Variants in ERBB4 observed in about 807,000 individuals in gnomAD.
The protein encoded by ERBB4 is receptor tyrosine-protein kinase erbB-4.
Under a neutral mutation model 158.0 loss-of-function variants are expected in ERBB4, and 42 were observed. That is an observed-to-expected ratio of 0.27 (90% CI 0.21 to 0.34). The LOEUF (loss-of-function observed/expected upper bound fraction) is 0.34. ERBB4 is among the 10% of genes least tolerant of loss of function. The probability of loss-of-function intolerance (pLI) is 1.00; values close to 1 mark genes in which losing one functional copy is unlikely to be tolerated. For synonymous variants in ERBB4, 583 were observed against 558.7 expected (o/e 1.04, Z -0.61); for missense variants, 1,333 against 1,624.1 (o/e 0.82, Z 3.08).
chr2:212,442,858 A>G (rs1253063579), intron 1 of ERBB4, among the ~76,000 whole-genome samples: 1 of 152,190 alleles, frequency 6.6e-6, no homozygotes, highest in African/African-American at 2.4e-5. Context: ...GATTAGCGCC[A>G]CCATCAAGGA....
chr2:211,667,393 T>C (rs1053472375), intron 14 of ERBB4, among the ~76,000 whole-genome samples: 6 of 150,388 alleles, frequency 4.0e-5, no homozygotes, highest in Non-Finnish European at 8.9e-5. Context: ...CTGGTGGGGC[T>C]CAATCAAGCC....
At chr2:212,248,728 A>G (rs2084404099) in intron 1 of ERBB4, among the ~76,000 whole-genome samples, 1 of 152,146 alleles carries the variant, frequency 6.6e-6, no homozygotes, top group African/African-American at 2.4e-5. Context: ...CTAGATTAGT[A>G]CTAAACGGTT....
At chr2:211,430,269 C>A (rs1173350481) in intron 21 of ERBB4, among the ~76,000 whole-genome samples, 2 of 151,970 alleles carry the variant, frequency 1.3e-5, no homozygotes, top group African/African-American at 4.8e-5. Flanking sequence ...GGCTGCCTGA[C>A]CTTAGGTTTC....
chr2:212,191,557 T>C (rs530875026), intron 1 of ERBB4, among the ~76,000 whole-genome samples: 4 of 141,224 alleles, frequency 2.8e-5, no homozygotes, highest in Admixed American at 1.5e-4. Flanking sequence ...GTTATGCCTG[T>C]TATATATAAC....
At chr2:211,769,333 A>G (rs1018920690) in intron 4 of ERBB4, among the ~76,000 whole-genome samples, 2 of 152,058 alleles carry the variant, frequency 1.3e-5, no homozygotes, top group Admixed American at 6.5e-5. Context: ...ACATCTTCCT[A>G]TCTTCTTCTG....
chr2:212,450,296 C>G (rs569980139), intron 1 of ERBB4, among the ~76,000 whole-genome samples: 1 of 152,092 alleles, frequency 6.6e-6, no homozygotes, highest in African/African-American at 2.4e-5. Context: ...ACTTACATGG[C>G]AATAGGGATT....
intron 1 of ERBB4, among the ~76,000 whole-genome samples, chr2:212,472,307 C>T (rs993952055): frequency 1.3e-5 from 2 of 151,724 alleles, no homozygotes; most frequent in African/African-American, 2.4e-5. Context: ...TTACCATAGA[C>T]GTTATTATCT....
At chr2:212,085,121 G>GTTC (rs1189764743) in intron 2 of ERBB4, among the ~76,000 whole-genome samples, 1 of 151,744 alleles carries the variant, frequency 6.6e-6, no homozygotes, top group Non-Finnish European at 1.5e-5. Context: ...TACTTTAACT[G>GTTC]TTCTTTAAAA....
At chr2:212,246,524 T>C (rs893110834) in intron 1 of ERBB4, among the ~76,000 whole-genome samples, 10 of 152,182 alleles carry the variant, frequency 6.6e-5, no homozygotes, top group African/African-American at 2.4e-4. Context: ...AAAATGAATA[T>C]GATGTAATCA....
intron 3 of ERBB4, among the ~76,000 whole-genome samples, chr2:211,861,066 T>C (rs1176831426): frequency 8.2e-5 from 3 of 36,390 alleles, no homozygotes; most frequent in African/African-American, 1.0e-4. Flanking sequence ...TATATAAATA[T>C]AATATATTTA....
chr2:212,400,807 C>T (rs573195159), intron 1 of ERBB4, among the ~76,000 whole-genome samples: 1 of 152,248 alleles, frequency 6.6e-6, no homozygotes. Context: ...TGTCTCTGAA[C>T]TTTAATAAAA....
At chr2:211,404,488 C>G (rs889513887) in intron 25 of ERBB4, among the ~76,000 whole-genome samples, 1 of 152,068 alleles carries the variant, frequency 6.6e-6, no homozygotes, top group Non-Finnish European at 1.5e-5. Context: ...TTGGAAGTAC[C>G]TCAATGTCCC....
intron 1 of ERBB4, among the ~76,000 whole-genome samples, chr2:212,430,880 C>T (rs1267743633): frequency 6.6e-6 from 1 of 151,950 alleles, no homozygotes; most frequent in Non-Finnish European, 1.5e-5. Context: ...GAGACAGTGA[C>T]ACAAAGACAA....
At chr2:212,216,233 A>T (rs914587396) in intron 1 of ERBB4, among the ~76,000 whole-genome samples, 2 of 151,328 alleles carry the variant, frequency 1.3e-5, no homozygotes, top group African/African-American at 4.8e-5. Flanking sequence ...ATCTTTCAAC[A>T]TCCTTATCAT....
At chr2:212,432,411 T>A (rs2092049627) in intron 1 of ERBB4, among the ~76,000 whole-genome samples, 1 of 152,250 alleles carries the variant, frequency 6.6e-6, no homozygotes, top group Middle Eastern at 3.4e-3. Flanking sequence ...AGTAAATAGT[T>A]AGGATCATGG....
chr2:211,863,465 G>A (rs562841502), intron 3 of ERBB4, among the ~76,000 whole-genome samples: 90 of 152,274 alleles, frequency 5.9e-4, no homozygotes, highest in African/African-American at 1.2e-3. Context: ...TTTTGTGTCC[G>A]CACTACCTTT....
intron 1 of ERBB4, among the ~76,000 whole-genome samples, chr2:212,254,389 C>G (rs936498968): frequency 3.9e-5 from 6 of 152,136 alleles, no homozygotes; most frequent in African/African-American, 1.4e-4. Flanking sequence ...ACAGAGGAAA[C>G]AAACAACTCG....
chr2:211,603,371 T>C (rs998326266), intron 19 of ERBB4, among the ~76,000 whole-genome samples: 2 of 151,978 alleles, frequency 1.3e-5, no homozygotes, highest in African/African-American at 2.4e-5. Flanking sequence ...AAGAATTAGA[T>C]GTAGGGATAT....
intron 1 of ERBB4, among the ~76,000 whole-genome samples, chr2:212,348,422 G>T (rs1302265077): frequency 6.6e-6 from 1 of 151,966 alleles, no homozygotes; most frequent in Non-Finnish European, 1.5e-5. Context: ...CATTAAAGAA[G>T]ACTGAAAAGA....
Sources: gnomAD v4.1 joint callset for allele counts (sites outside exome capture counted in the v4.1 genomes callset) on GRCh38, gnomAD v4.1.1 for gene constraint, MANE v1.5 for transcripts, NCBI Gene and HGNC (gene_info 2026-07-23, HGNC 2026-07-21) for gene names.